Variants in EDNRB observed in about 807,000 individuals in gnomAD.
EDNRB encodes the protein Hirschsprung disease 2.
EDNRB carries 18 observed loss-of-function variants against 46.4 expected under a neutral mutation model. The ratio of observed to expected loss-of-function variants is 0.39; its 90% confidence interval spans 0.27 to 0.57. The LOEUF (loss-of-function observed/expected upper bound fraction) is 0.57, where lower values mean the gene tolerates loss of function less well. EDNRB is among the 20% of genes least tolerant of loss of function. The pLI is 0.61. For missense variants in EDNRB, 434 were observed against 537.5 expected (o/e 0.81, Z 1.90); for synonymous variants, 213 against 204.9 (o/e 1.04, Z -0.34).
At chr13:77,944,477 A>G (rs1767765320) in intron 1 of EDNRB, among the ~76,000 whole-genome samples, 1 of 151,940 alleles carries the variant, frequency 6.6e-6, no homozygotes, top group Admixed American at 6.6e-5. Flanking sequence ...TTTTTTTTTT[A>G]ACCATGTATA....
At chr13:77,919,123 G>A, upstream of EDNRB, 1 of 499,924 alleles carries the variant, frequency 2.0e-6, no homozygotes, top group South Asian at 3.4e-5. Context: ...CTCCCTGGCT[G>A]GCTGAGCTAC....
intron 1 of EDNRB, among the ~76,000 whole-genome samples, chr13:77,940,552 C>T (rs1027429130): frequency 2.0e-5 from 3 of 152,082 alleles, no homozygotes; most frequent in Admixed American, 6.6e-5. Flanking sequence ...GCAAAGTAGA[C>T]GTGGAGAAAC....
intron 1 of EDNRB, among the ~76,000 whole-genome samples, chr13:77,965,309 A>C (rs541832651): frequency 6.6e-6 from 1 of 152,334 alleles, no homozygotes; most frequent in South Asian, 2.1e-4. Flanking sequence ...GCTAAGTATT[A>C]GGGATAAGTG....
intron 1 of EDNRB, among the ~76,000 whole-genome samples, chr13:77,904,421 C>G (rs971451976): frequency 2.6e-5 from 4 of 151,780 alleles, no homozygotes; most frequent in Non-Finnish European, 2.9e-5. Flanking sequence ...TGTCTGGATC[C>G]CTGGAGTGTA....
chr13:77,925,814 G>A (rs868369696), intron 1 of EDNRB, among the ~76,000 whole-genome samples: 1 of 152,176 alleles, frequency 6.6e-6, no homozygotes, highest in Admixed American at 6.5e-5. Context: ...TAGATTTACC[G>A]ACATCTTGCA....
intron 1 of EDNRB, among the ~76,000 whole-genome samples, chr13:77,960,708 T>C (rs1413551439): frequency 6.6e-6 from 1 of 152,104 alleles, no homozygotes; most frequent in Non-Finnish European, 1.5e-5. Flanking sequence ...TAAATGTAAA[T>C]GGGCTAAATT....
chr13:77,928,677 A>G (rs1361952595), intron 1 of EDNRB, among the ~76,000 whole-genome samples: 1 of 152,196 alleles, frequency 6.6e-6, no homozygotes, highest in Non-Finnish European at 1.5e-5. Flanking sequence ...AATTCCAGAC[A>G]TAACACAGCT....
chr13:77,953,662 T>C (rs1881155210), intron 1 of EDNRB, among the ~76,000 whole-genome samples: 2 of 152,110 alleles, frequency 1.3e-5, no homozygotes, highest in Non-Finnish European at 2.9e-5. Flanking sequence ...ATAGCATATG[T>C]GTGTTTGAAT....
At chr13:77,930,485 A>G (rs1204289964) in intron 1 of EDNRB, among the ~76,000 whole-genome samples, 1 of 152,234 alleles carries the variant, frequency 6.6e-6, no homozygotes, top group Non-Finnish European at 1.5e-5. Flanking sequence ...TAATATTAAT[A>G]AACATTTATG....
At chr13:77,939,268 T>C (rs1880664305) in intron 1 of EDNRB, 1 of 152,172 alleles carries the variant, frequency 6.6e-6, no homozygotes, top group Non-Finnish European at 1.5e-5. Flanking sequence ...CAGGCCATTT[T>C]CATTTCTTTT....
chr13:77,896,531 CT>C lies in EDNRB; in HGVS notation c.*1668del. The C allele has an allele frequency of 6.4e-7, 1 of 1,572,316 alleles. No individual in the cohort carries two copies. Among genetic ancestry groups the C allele is most frequent in the Non-Finnish European group, 8.6e-7 (1 of 1,156,732 alleles). On this transcript the variant is annotated 3_prime_UTR_variant, in exon 7 of 7. Transcript: ENST00000646607. Reference sequence around the variant, plus strand: ...TCAATATTGACAGAAAACAACATTACTAGCTTATTTCCAACATGTGGCCCAG... The same window carrying C: ...TCAATATTGACAGAAAACAACATTACAGCTTATTTCCAACATGTGGCCCAG...
At chr13:77,898,452 A>G in intron 6 of EDNRB, 118 bp from the exon 7 acceptor site, 3 of 1,409,392 alleles carry the variant, frequency 2.1e-6, no homozygotes, top group Non-Finnish European at 2.9e-6. Context: ...CCTTTCTTTC[A>G]GTGCTCTTTT....
At chr13:77,926,660 C>A (rs1261280066) in intron 1 of EDNRB, among the ~76,000 whole-genome samples, 1 of 152,186 alleles carries the variant, frequency 6.6e-6, no homozygotes, top group African/African-American at 2.4e-5. Context: ...TTCTTCTGAG[C>A]CCTCTAAACT....
chr13:77,925,799 A>G (rs547999749), intron 1 of EDNRB, among the ~76,000 whole-genome samples: 10 of 152,258 alleles, frequency 6.6e-5, no homozygotes, highest in African/African-American at 2.2e-4. Flanking sequence ...CAGACCCCAG[A>G]GTGGTAGATT....
At chr13:77,948,460 A>G (rs780519216) in intron 1 of EDNRB, among the ~76,000 whole-genome samples, 54 of 152,332 alleles carry the variant, frequency 3.5e-4, no homozygotes, top group Non-Finnish European at 5.1e-4. Context: ...ATACTGGCAC[A>G]TGGTAAGGTG....
intron 1 of EDNRB, among the ~76,000 whole-genome samples, chr13:77,968,749 C>G (rs1881646958): frequency 6.6e-6 from 1 of 152,144 alleles, no homozygotes. Flanking sequence ...TTGGTGATTT[C>G]AAATCATACT....
intron 1 of EDNRB, among the ~76,000 whole-genome samples, chr13:77,909,372 A>C (rs1879456026): frequency 6.6e-6 from 1 of 152,028 alleles, no homozygotes; most frequent in Non-Finnish European, 1.5e-5. Context: ...AATCCTACAA[A>C]ATCTCTCTAA....
intron 1 of EDNRB, among the ~76,000 whole-genome samples, chr13:77,968,068 CCTT>C (rs1439384446): frequency 3.3e-5 from 5 of 152,036 alleles, no homozygotes; most frequent in African/African-American, 1.2e-4. Flanking sequence ...CAAAAGATTT[CCTT>C]ATCAGTAATA....
At chr13:77,963,232 C>T (rs1018369498) in intron 1 of EDNRB, among the ~76,000 whole-genome samples, 3 of 152,196 alleles carry the variant, frequency 2.0e-5, no homozygotes, top group Non-Finnish European at 2.9e-5. Context: ...CCCCATCAAC[C>T]TACCAATGAC....
Sources: allele counts gnomAD v4.1 joint callset (sites outside exome capture counted in the v4.1 genomes callset), GRCh38; gene constraint gnomAD v4.1.1; transcripts MANE v1.5; gene names NCBI Gene and HGNC (gene_info 2026-07-23, HGNC 2026-07-21).